Variants in VPS13B observed in about 807,000 individuals in gnomAD.
VPS13B encodes the protein vacuolar protein sorting 13 homolog B.
In VPS13B, 285 loss-of-function variants were observed where a neutral mutation model predicts 426.4. The observed-to-expected ratio is 0.67, with a 90% CI of 0.61 to 0.74. The LOEUF is 0.74. VPS13B is among the 30% of genes least tolerant of loss of function. VPS13B has a pLI of 0.00. For synonymous variants in VPS13B, 1,676 were observed against 1,676.4 expected (o/e 1.00, Z 0.01); for missense variants, 4,537 against 4,782.6 (o/e 0.95, Z 1.51).
At chr8:99,050,382 G>A (rs1843471756) in intron 3 of VPS13B, among the ~76,000 whole-genome samples, 1 of 152,154 alleles carries the variant, frequency 6.6e-6, no homozygotes, top group Non-Finnish European at 1.5e-5. Flanking sequence ...TTTTATGGGA[G>A]CATAGTATTC....
At chr8:99,706,491 A>G (rs1439286230) in intron 36 of VPS13B, among the ~76,000 whole-genome samples, 3 of 152,214 alleles carry the variant, frequency 2.0e-5, no homozygotes, top group South Asian at 4.1e-4. Context: ...TGAAGTCTTC[A>G]TAAGACTCTG....
chr8:99,876,263 T>TTG lies in VPS13B; in HGVS notation c.*600_*601dup, dbSNP rs1817697332. 1 of 155,010 alleles carries TTG rather than the reference T, an allele frequency of 6.5e-6. No homozygotes were observed. The highest frequency in any genetic ancestry group is 2.4e-5 in the African/African-American group (1 of 41,404). 9.6% of individuals were successfully genotyped at this position (155,010 alleles called of 1,614,324 possible). A position where few individuals can be genotyped will look rare whatever the true frequency, so the allele number is the denominator to read the frequency against. On this transcript the variant is annotated 3_prime_UTR_variant, in exon 62 of 62. Transcript: ENST00000357162. ...TTCTTTAAATGAAATGCTTAGGACT[T>TTG]TGTGGCTTGTTACATTTGTCATTTA... is the stretch of plus-strand genomic sequence containing the variant.
intron 17 of VPS13B, among the ~76,000 whole-genome samples, chr8:99,271,122 C>G (rs1818567719): frequency 6.6e-6 from 1 of 151,862 alleles, no homozygotes; most frequent in African/African-American, 2.4e-5. Context: ...GTGCTCAGTG[C>G]ATGTTAAGTG....
At chr8:99,186,855 A>C (rs1813246075) in intron 16 of VPS13B, among the ~76,000 whole-genome samples, 1 of 152,210 alleles carries the variant, frequency 6.6e-6, no homozygotes, top group Admixed American at 6.5e-5. Flanking sequence ...ACTAAAATGT[A>C]CAATATATTA....
At chr8:99,501,989 CTG>C (rs1162880155) in intron 26 of VPS13B, 131 bp downstream of exon 26, 1 of 1,137,920 alleles carries the variant, frequency 8.8e-7, no homozygotes, top group Non-Finnish European at 1.2e-6. Flanking sequence ...GTCTGTCTGT[CTG>C]TCTTTCCTTT....
At chr8:99,309,269 T>A (rs1820818840) in intron 19 of VPS13B, among the ~76,000 whole-genome samples, 2 of 152,230 alleles carry the variant, frequency 1.3e-5, no homozygotes, top group African/African-American at 4.8e-5. Flanking sequence ...GCCTGTGTCC[T>A]GAATGGTATT....
intron 19 of VPS13B, among the ~76,000 whole-genome samples, chr8:99,291,126 T>G (rs1819712695): frequency 6.6e-6 from 1 of 152,004 alleles, no homozygotes; most frequent in South Asian, 2.1e-4. Context: ...ATGGAGAGAA[T>G]TACACAGATT....
chr8:99,023,973 C>A (rs1278490515), intron 2 of VPS13B, among the ~76,000 whole-genome samples: 1 of 152,100 alleles, frequency 6.6e-6, no homozygotes, highest in East Asian at 1.9e-4. Context: ...TTTTAAGGAA[C>A]TTTTGTGGTG....
At chr8:99,039,967 T>C (rs1842905178) in intron 3 of VPS13B, among the ~76,000 whole-genome samples, 2 of 152,196 alleles carry the variant, frequency 1.3e-5, no homozygotes. Context: ...AAGTTTTACT[T>C]TCCATTTATA....
At chr8:99,213,965 A>G (rs757665014) in intron 17 of VPS13B, among the ~76,000 whole-genome samples, 8 of 152,100 alleles carry the variant, frequency 5.3e-5, no homozygotes, top group Admixed American at 2.0e-4. Flanking sequence ...GTACTCCCCC[A>G]TAAGTATTAC....
chr8:99,489,720 A>T lies in VPS13B; in HGVS notation c.3870+7918A>T, dbSNP rs527265045. 7.4e-4 allele frequency among the ~76,000 whole-genome samples: 113 copies of T among 152,242 alleles called. 3 individuals carry two copies. In the South Asian group the frequency reaches 0.023, roughly 31 times the overall value. ...CTCTCTGTTTGTCTGTTATTGGTGG[A>T]TAAGAATGCTTGTGATTTTTGCACA... On this transcript the variant is annotated intron_variant, in intron 25 of 61. Coordinates refer to ENST00000357162, the MANE Select transcript of VPS13B (RefSeq NM_152564.5).
At chr8:99,796,074 A>G (rs79559070) in intron 43 of VPS13B, among the ~76,000 whole-genome samples, 1,972 of 152,326 alleles carry the variant, frequency 0.013, 50 homozygotes, top group African/African-American at 0.045. Context: ...AATAAGAGCT[A>G]TGAGGAAAAC....
In VPS13B at chr8:99,084,031, G is replaced by A. The variant is rs1845631286; in HGVS notation, c.292-12281G>A. On this transcript the variant is annotated intron_variant, in intron 3 of 61. Coordinates refer to ENST00000357162, the MANE Select transcript of VPS13B (RefSeq NM_152564.5). ...TGATTGGAATAGTTTCAGAAGGAAT[G>A]GTACCAACTCCTCCTTGTACCTCTG... Among the ~76,000 whole-genome samples the A allele has an allele frequency of 3.3e-5, 5 of 152,298 alleles. No homozygotes were observed. In the South Asian group the frequency reaches 1.0e-3, roughly 32 times the overall value.
intron 21 of VPS13B, among the ~76,000 whole-genome samples, chr8:99,412,864 T>C (rs1173357382): frequency 6.6e-6 from 1 of 150,872 alleles, no homozygotes; most frequent in African/African-American, 2.4e-5. Context: ...TTGTGTGTTA[T>C]TGATTTGCGT....
intron 14 of VPS13B, among the ~76,000 whole-genome samples, chr8:99,150,405 G>T (rs1359883916): frequency 2.6e-5 from 4 of 152,092 alleles, no homozygotes; most frequent in Non-Finnish European, 4.4e-5. Context: ...ATCACCCAAA[G>T]TCCACAGTTT....
At chr8:99,685,021 T>C (rs1330137371) in intron 35 of VPS13B, among the ~76,000 whole-genome samples, 2 of 152,234 alleles carry the variant, frequency 1.3e-5, no homozygotes, top group Non-Finnish European at 2.9e-5. Context: ...CAGGCTGGTC[T>C]TGAACTCCTG....
chr8:99,467,335 T>C (rs896560427), intron 23 of VPS13B, 79 bp from the exon 24 acceptor site: 7 of 1,387,802 alleles, frequency 5.0e-6, no homozygotes, highest in Non-Finnish European at 7.2e-6. Context: ...TGTTAAATGT[T>C]TTACATTTTA....
At chr8:99,427,732 A>T (rs933337907) in intron 21 of VPS13B, among the ~76,000 whole-genome samples, 1 of 151,160 alleles carries the variant, frequency 6.6e-6, no homozygotes, top group Non-Finnish European at 1.5e-5. Context: ...TATAGATTCA[A>T]TGCCATCCCC....
At chr8:99,227,544 T>C (rs979521959) in intron 17 of VPS13B, among the ~76,000 whole-genome samples, 2 of 152,192 alleles carry the variant, frequency 1.3e-5, no homozygotes, top group Non-Finnish European at 2.9e-5. Context: ...GTTGTTTTAA[T>C]TAGGATCAGA....
Sources: gnomAD v4.1 joint callset for allele counts (sites outside exome capture counted in the v4.1 genomes callset) on GRCh38, gnomAD v4.1.1 for gene constraint, MANE v1.5 for transcripts, NCBI Gene and HGNC (gene_info 2026-07-23, HGNC 2026-07-21) for gene names.